Variants in RTF1 observed in about 807,000 individuals in gnomAD.
RTF1 encodes RTF1 homolog, Paf1/RNA polymerase II complex component.
A neutral mutation model predicts 95.7 loss-of-function variants in RTF1; 10 were observed. The ratio of observed to expected loss-of-function variants is 0.10; its 90% CI spans 0.06 to 0.18. The LOEUF (loss-of-function observed/expected upper bound fraction) is 0.18. RTF1 is among the 10% of genes least tolerant of loss of function. The pLI, the probability that RTF1 is intolerant of heterozygous loss-of-function variation, is 1.00. For missense variants in RTF1, 458 were observed against 875.6 expected (o/e 0.52, Z 6.02); for synonymous variants, 305 against 311.8 (o/e 0.98, Z 0.23).
intron 12 of RTF1, 122 bp downstream of exon 12, chr15:41,476,645 G>A: frequency 1.2e-6 from 1 of 849,110 alleles, no homozygotes; most frequent in South Asian, 1.4e-5. Context: ...TCGATTATAA[G>A]CAACACAGTG....
At chr15:41,443,455 G>A (rs138693492) in intron 2 of RTF1, among the ~76,000 whole-genome samples, 1 of 152,260 alleles carries the variant, frequency 6.6e-6, no homozygotes, top group East Asian at 1.9e-4. Context: ...GAATGCTGTG[G>A]TGTGGCACTT....
intron 1 of RTF1, among the ~76,000 whole-genome samples, chr15:41,421,748 A>G (rs1303411711): frequency 6.9e-6 from 1 of 145,468 alleles, no homozygotes; most frequent in Non-Finnish European, 1.5e-5. Context: ...CACTCCTGTC[A>G]CCCAGGCTGG....
Position 41,457,668 on chromosome 15 carries a change from G to A in RTF1, c.458-4G>A. 2 of 1,614,000 alleles carry A rather than the reference G, an allele frequency of 1.2e-6. No homozygotes were observed. Among genetic ancestry groups the A allele is most frequent in the Non-Finnish European group, 1.7e-6 (2 of 1,179,900 alleles). On this transcript the variant is annotated splice_region_variant and splice_polypyrimidine_tract_variant and intron_variant, in intron 3 of 17. Transcript: ENST00000389629. ...GTAATCTTGTGTTTGGGCCTTTGTT[G>A]CAGGTGAAGTGTCAGACTCTGACAG...
chr15:41,480,510 G>C (rs1266262131), intron 17 of RTF1, 71 bp from the exon 18 acceptor site: 32 of 1,174,858 alleles, frequency 2.7e-5, no homozygotes, highest in Non-Finnish European at 4.1e-5. Context: ...GAGGCTGCCT[G>C]CAGGAGTGTA....
At chr15:41,471,442 C>A in intron 8 of RTF1, 93 bp downstream of exon 8, 1 of 1,286,512 alleles carries the variant, frequency 7.8e-7, no homozygotes, top group Non-Finnish European at 1.1e-6. Context: ...GATCACTCTT[C>A]TCTCAGCATT....
At position 41,479,129 on chromosome 15, in the gene RTF1, C is replaced by T; in HGVS notation, c.1845C>T (p.Ala615=). ...SNSRDPAVQA[A]ILAQLNAKYG... ...CCAGAGACCCAGCTGTTCAAGCTGCCATCTTGGCCCAGCTGAATGCAAAAT... is the reference window on the plus strand; with the variant it reads ...CCAGAGACCCAGCTGTTCAAGCTGCTATCTTGGCCCAGCTGAATGCAAAAT... The change falls in exon 16 of 18, where the codon GCC becomes GCT. Residue 615 remains alanine (A), a synonymous_variant. Transcript: ENST00000389629. The T allele has an allele frequency of 6.2e-7, 1 of 1,613,734 alleles. No individual in the cohort carries two copies. Among genetic ancestry groups the T allele is most frequent in the Non-Finnish European group, 8.5e-7 (1 of 1,179,726 alleles).
chr15:41,441,495 C>G (rs538265323), intron 2 of RTF1, among the ~76,000 whole-genome samples: 9 of 152,202 alleles, frequency 5.9e-5, no homozygotes, highest in African/African-American at 2.2e-4. Context: ...AGGTCAGAGT[C>G]CTAACTTTTG....
In RTF1 at chr15:41,483,417, T is replaced by G. The variant is rs1439859034; in HGVS notation, c.*2730T>G. ...AGTTCATAATGTTTATAGGTCTGTT[T>G]GTCTGTCTTGCTTCTGGCAGGTGTA... On this transcript the variant is annotated 3_prime_UTR_variant, in exon 18 of 18. Transcript: ENST00000389629. The G allele has an allele frequency of 6.6e-6, 1 of 152,438 alleles. No individual in the cohort carries two copies. The highest frequency in any genetic ancestry group is 2.4e-5 in the African/African-American group (1 of 41,244). The allele number at this position is 152,438 out of a possible 1,614,324, so 9.4% of individuals were successfully genotyped here.
At chr15:41,438,460 A>T (rs1467825517) in intron 2 of RTF1, 29 bp downstream of exon 2, 2 of 1,451,848 alleles carry the variant, frequency 1.4e-6, no homozygotes, top group Admixed American at 4.1e-5. Flanking sequence ...GGCTTCTGGG[A>T]CCATTAGATA....
chr15:41,429,279 G>A (rs2050656143), intron 1 of RTF1, among the ~76,000 whole-genome samples: 1 of 152,116 alleles, frequency 6.6e-6, no homozygotes, highest in Non-Finnish European at 1.5e-5. Context: ...TTAAAGCTCT[G>A]CGAATTACTC....
At position 41,483,341 on chromosome 15, in the gene RTF1, G is replaced by C. The variant is rs151133044; in HGVS notation, c.*2654G>C. 1 of 152,610 alleles carries C rather than the reference G, an allele frequency of 6.6e-6. No homozygotes were observed. The highest frequency in any genetic ancestry group is 1.9e-4 in the East Asian group (1 of 5,186). 9.5% of individuals were successfully genotyped at this position (152,610 alleles called of 1,614,324 possible). A position where few individuals can be genotyped will look rare whatever the true frequency, so the allele number is the denominator to read the frequency against. ...GTGCAGCACCCAAGGTTGTTTTTAT[G>C]CATTTTTTCAGTTCCTTCCAAGAAG... On this transcript the variant is annotated 3_prime_UTR_variant, in exon 18 of 18. Coordinates refer to ENST00000389629, the MANE Select transcript of RTF1 (RefSeq NM_015138.5).
intron 4 of RTF1, among the ~76,000 whole-genome samples, chr15:41,462,451 C>A (rs77621225): frequency 1.6e-4 from 24 of 152,088 alleles, no homozygotes; most frequent in Non-Finnish European, 1.5e-5. Flanking sequence ...GGAGTTAAAT[C>A]ACTTTCTCTT....
intron 1 of RTF1, among the ~76,000 whole-genome samples, chr15:41,419,441 T>G (rs1032632497): frequency 6.6e-6 from 1 of 152,236 alleles, no homozygotes; most frequent in Non-Finnish European, 1.5e-5. Context: ...AACCCAGATC[T>G]GCATGAGTAC....
chr15:41,467,478 G>A (rs1287067143), intron 6 of RTF1, among the ~76,000 whole-genome samples: 1 of 152,160 alleles, frequency 6.6e-6, no homozygotes, highest in African/African-American at 2.4e-5. Flanking sequence ...ACTTTGGGAG[G>A]CCAAGGTGGG....
At chr15:41,471,081 T>C in intron 7 of RTF1, 91 bp from the exon 8 acceptor site, 1 of 1,239,812 alleles carries the variant, frequency 8.1e-7, no homozygotes, top group Non-Finnish European at 1.1e-6. Flanking sequence ...CACATGTACT[T>C]TGGTTAAGTT....
chr15:41,466,177 G>A lies in RTF1; in HGVS notation c.814G>A (p.Asp272Asn). 1 of 1,593,060 alleles carries A rather than the reference G, an allele frequency of 6.3e-7. No homozygotes were observed. The highest frequency in any genetic ancestry group is 8.5e-7 in the Non-Finnish European group (1 of 1,170,542). The change falls in exon 6 of 18, where the codon GAT (aspartate) becomes AAT (asparagine). Residue 272 changes from aspartate (D) to asparagine (N), a missense_variant. By Grantham distance (23) the Asp-to-Asn change is conservative. This residue lies in a region of RTF1 where 39 missense variants were observed against 43.8 expected (regional missense o/e 0.89). Coordinates refer to ENST00000389629, the MANE Select transcript of RTF1 (RefSeq NM_015138.5). The part of the protein sequence containing the change: ...SHNKERRSKR[D>N]EKLDKKSQAM... The stretch of plus-strand genomic sequence containing the variant: ...CAACAAGGAACGGCGTTCCAAGCGG[G>A]ATGAGAAACTAGACAAGAAATCTCA...
At chr15:41,424,537 T>C (rs1187937722) in intron 1 of RTF1, among the ~76,000 whole-genome samples, 1 of 152,122 alleles carries the variant, frequency 6.6e-6, no homozygotes, top group Non-Finnish European at 1.5e-5. Context: ...CCTTTGAGGA[T>C]GGAGAAGTCA....
At chr15:41,425,302 C>A (rs1042538535) in intron 1 of RTF1, among the ~76,000 whole-genome samples, 2 of 151,970 alleles carry the variant, frequency 1.3e-5, no homozygotes, top group African/African-American at 4.8e-5. Context: ...GCACGGGTTT[C>A]ACCATGTTAG....
At chr15:41,476,695 A>G (rs1395628655) in intron 12 of RTF1, among the ~76,000 whole-genome samples, 172 bp downstream of exon 12, 1 of 152,232 alleles carries the variant, frequency 6.6e-6, no homozygotes, top group Admixed American at 6.5e-5. Context: ...GCCATTTTCC[A>G]TTCCCTAAAT....
Sources: gnomAD v4.1 joint callset for allele counts (sites outside exome capture counted in the v4.1 genomes callset) on GRCh38, gnomAD v4.1.1 for gene constraint, gnomAD v4.1.1 regional missense constraint, MANE v1.5 for transcripts, NCBI Gene and HGNC (gene_info 2026-07-23, HGNC 2026-07-21) for gene names.